TTC38: variants seen among roughly 807,000 people sequenced by gnomAD.
TTC38 encodes tetratricopeptide repeat domain 38.
In TTC38, 64 loss-of-function variants were observed where a neutral mutation model predicts 64.2. The observed-to-expected ratio is 1.00, with a 90% CI of 0.81 to 1.23. The LOEUF is 1.23. TTC38 is among the 50% of genes most tolerant of loss of function. The pLI is 0.00. For synonymous variants in TTC38, 254 were observed against 249.3 expected, an observed-to-expected ratio of 1.02 and a Z score of -0.18; for missense variants, 573 against 615.5, an observed-to-expected ratio of 0.93 and a Z score of 0.73.
chr22:46,286,661 CAA>C (rs75063671), intron 9 of TTC38, among the ~76,000 whole-genome samples: 67 of 112,940 alleles, frequency 5.9e-4, no homozygotes, highest in Admixed American at 5.6e-4. Flanking sequence ...GACCCTATCT[CAA>C]AAAAAAAAAA....
chr22:46,285,879 G>A (rs1218244766), intron 9 of TTC38, among the ~76,000 whole-genome samples: 2 of 151,794 alleles, frequency 1.3e-5, no homozygotes, highest in African/African-American at 4.8e-5. Context: ...GCTAGGCGTG[G>A]TGGTGGGCAC....
At position 46,270,269 on chromosome 22, in the gene TTC38, G is replaced by C. The variant is rs984025473; in HGVS notation, c.111+1678G>C. ...TGTCAAAATGCTTGCGTAGCTTATA[G>C]TCTCAGCTATTTGGGAGGCTGAGGC... On this transcript the variant is annotated intron_variant, in intron 2 of 13. Coordinates refer to ENST00000381031, the MANE Select transcript of TTC38 (RefSeq NM_017931.4). The surrounding 1 kb of genome is among the most constrained non-coding windows in gnomAD (Gnocchi z 4.7). Among the ~76,000 whole-genome samples, 1 of 152,102 alleles carries C rather than the reference G, an allele frequency of 6.6e-6. No individual in the cohort carries two copies. Among genetic ancestry groups the C allele is most frequent in the African/African-American group, 2.4e-5 (1 of 41,392 alleles).
intron 6 of TTC38, among the ~76,000 whole-genome samples, chr22:46,280,794 G>A (rs975275290): frequency 2.0e-5 from 3 of 152,232 alleles, no homozygotes; most frequent in Non-Finnish European, 4.4e-5. Context: ...GGGAGACTGA[G>A]GCAGTGGGGC....
At chr22:46,277,036 TATATATACATAC>T (rs1226732057) in intron 5 of TTC38, among the ~76,000 whole-genome samples, 25 of 78,276 alleles carry the variant, frequency 3.2e-4, no homozygotes, top group African/African-American at 1.5e-3. Context: ...AAACAATACA[TATATATACATAC>T]ACACACACAC....
chr22:46,268,669 T>C, intron 2 of TTC38, 78 bp downstream of exon 2: 1 of 746,754 alleles, frequency 1.3e-6, no homozygotes, highest in Non-Finnish European at 1.9e-6. Context: ...AAGCTGTTTT[T>C]TTGTTTTGTT....
Position 46,275,188 on chromosome 22 carries a change from A to G in TTC38, c.366-60A>G. ...ACTGGTGAGAAACAATGCCTCTTAC[A>G]CTCCCTGTGTGGGTGGACTATGTGT... is the stretch of plus-strand genomic sequence containing the variant. On this transcript the variant is annotated intron_variant, in intron 4 of 13. Transcript: ENST00000381031. The surrounding 1 kb of genome is among the most constrained non-coding windows in gnomAD (Gnocchi z 4.5). The G allele has an allele frequency of 6.7e-7, 1 of 1,501,246 alleles. No homozygotes were observed. Among genetic ancestry groups the G allele is most frequent in the Non-Finnish European group, 9.1e-7 (1 of 1,095,816 alleles). The allele number at this position is 1,501,246 out of a possible 1,614,324, so 93.0% of individuals were successfully genotyped here. A position where few individuals can be genotyped will look rare whatever the true frequency, so the allele number is the denominator to read the frequency against.
In TTC38 at chr22:46,268,034, C is replaced by G. The variant is rs1256406053; in HGVS notation, c.-6C>G. ...GAGCTCGCGGTGGACTCCGACCCGG[C>G]GCAACATGGCCGCAGCCTCGCCTCT... On this transcript the variant is annotated 5_prime_UTR_variant, in exon 1 of 14. Transcript: ENST00000381031. The G allele has an allele frequency of 1.3e-6, 2 of 1,538,902 alleles. No individual in the cohort carries two copies. The highest frequency in any genetic ancestry group is 3.9e-5 in the Admixed American group (2 of 51,772).
intron 2 of TTC38, 170 bp downstream of exon 2, chr22:46,268,761 T>C: frequency 3.3e-6 from 2 of 615,176 alleles, no homozygotes; most frequent in South Asian, 3.8e-5. Context: ...TTCGGCTCAC[T>C]GCAAGCTTTG....
At position 46,268,585 on chromosome 22, in the gene TTC38, G is replaced by A; in HGVS notation, c.105G>A (p.Leu35=). Residue 35 remains leucine, a synonymous_variant, in exon 2 of 14, where the codon CTG becomes CTA. Transcript: ENST00000381031. The part of the protein sequence containing the change: ...NEACKLFDAT[L]TQYVKWTNDK... ...CCTGCAAGCTGTTCGATGCCACGCTGACCCAGGTATGCCTGCCGAGAGAGG... is the reference window on the plus strand; with the variant it reads ...CCTGCAAGCTGTTCGATGCCACGCTAACCCAGGTATGCCTGCCGAGAGAGG... The A allele has an allele frequency of 5.0e-6, 8 of 1,613,926 alleles. No homozygotes were observed. The highest frequency in any genetic ancestry group is 6.8e-6 in the Non-Finnish European group (8 of 1,180,036).
At position 46,278,887 on chromosome 22, in the gene TTC38, A is replaced by C. The variant is rs150192244; in HGVS notation, c.615+226A>C. Among the ~76,000 whole-genome samples the C allele has an allele frequency of 2.6e-5, 4 of 152,334 alleles. No individual in the cohort carries two copies. The East Asian group carries it at 7.7e-4, about 29-fold the overall frequency. ...GTCCCCAGAGCCACGTTCCTTGGCT[A>C]ACACTGGATCCACGTCTACAGATGA... On this transcript the variant is annotated intron_variant, in intron 6 of 13. Transcript: ENST00000381031.
rs1322503378 is a variant in TTC38 at position 46,281,596 on chromosome 22, T to C, written c.616-3T>C. On this transcript the variant is annotated splice_polypyrimidine_tract_variant and splice_region_variant and intron_variant, in intron 6 of 13. Coordinates refer to ENST00000381031, the MANE Select transcript of TTC38 (RefSeq NM_017931.4). The surrounding 1 kb of genome is among the most constrained non-coding windows in gnomAD (Gnocchi z 5.2). ...GGAATCCTCTTCCCCGCACCCTGCG[T>C]AGGCTTTATCTATTAACCCGACAGA... is the stretch of plus-strand genomic sequence containing the variant. The C allele has an allele frequency of 2.5e-6, 4 of 1,613,706 alleles. No individual in the cohort carries two copies. The highest frequency in any genetic ancestry group is 3.4e-6 in the Non-Finnish European group (4 of 1,179,832).
chr22:46,283,953 CTT>C lies in TTC38; in HGVS notation c.736-8_736-7del, dbSNP rs111781624. The stretch of plus-strand genomic sequence containing the variant: ...GGCCTTCAGACTTTTCATAAATTCT[CTT>C]TTTTTTTTTTTCTCCAGGACTCTGA... On this transcript the variant is annotated intron_variant, in intron 7 of 13. Transcript: ENST00000381031. 284 of 1,309,452 alleles carry C rather than the reference CTT, an allele frequency of 2.2e-4. No individual in the cohort carries two copies. Among genetic ancestry groups the C allele is most frequent in the East Asian group, 4.5e-4 (16 of 35,786 alleles). 81.1% of individuals were successfully genotyped at this position (1,309,452 alleles called of 1,614,324 possible).
At chr22:46,277,010 A>G (rs996425510) in intron 5 of TTC38, among the ~76,000 whole-genome samples, 6 of 148,156 alleles carry the variant, frequency 4.0e-5, no homozygotes, top group African/African-American at 1.3e-4. Flanking sequence ...AGTGTTGAGG[A>G]TTAAATGACC....
At chr22:46,283,887 T>C in intron 7 of TTC38, 86 bp from the exon 8 acceptor site, 2 of 689,538 alleles carry the variant, frequency 2.9e-6, no homozygotes, top group South Asian at 1.7e-5. Flanking sequence ...AAGATGATGG[T>C]TTCTGCATTA....
intron 11 of TTC38, among the ~76,000 whole-genome samples, chr22:46,289,106 T>C (rs1189802864): frequency 7.2e-5 from 11 of 152,232 alleles, no homozygotes. Context: ...GCCTGTATTA[T>C]CAGCAATCCT....
intron 8 of TTC38, 107 bp from the exon 9 acceptor site, chr22:46,285,134 C>T (rs1166799274): frequency 1.4e-5 from 14 of 966,358 alleles, no homozygotes; most frequent in Admixed American, 7.1e-5. Flanking sequence ...AGGTGGAGGC[C>T]GGAGACCATG....
In TTC38 at chr22:46,279,686, T is replaced by G. The variant is rs371477433; in HGVS notation, c.615+1025T>G. On this transcript the variant is annotated intron_variant, in intron 6 of 13. Transcript: ENST00000381031. ...CTGCTCTGATTACAGAATCCGAGAC[T>G]TGAGGCTTGAGTGATGTGTTCTTTG... Among the ~76,000 whole-genome samples, 32 of 152,360 alleles carry G rather than the reference T, an allele frequency of 2.1e-4. No individual in the cohort carries two copies. The East Asian group carries it at 4.6e-3, about 22-fold the overall frequency.
Position 46,268,599 on chromosome 22 carries a change from T to A in TTC38, c.111+8T>A. On this transcript the variant is annotated splice_region_variant and intron_variant, in intron 2 of 13. Coordinates refer to ENST00000381031, the MANE Select transcript of TTC38 (RefSeq NM_017931.4). ...GATGCCACGCTGACCCAGGTATGCC[T>A]GCCGAGAGAGGCCGCGGCCCCTTCT... is the stretch of plus-strand genomic sequence containing the variant. 1 of 1,613,748 alleles carries A rather than the reference T, an allele frequency of 6.2e-7. No individual in the cohort carries two copies. The highest frequency in any genetic ancestry group is 8.5e-7 in the Non-Finnish European group (1 of 1,179,982).
Position 46,277,038 on chromosome 22 carries a change from TATATACATACAC to T in TTC38, c.540-1546_540-1535del, listed in dbSNP as rs1193680055. The stretch of plus-strand genomic sequence containing the variant: ...AAATGACCCCAGTAAACAATACATA[TATATACATACAC>T]ACACACACACACACACACACACACA... On this transcript the variant is annotated intron_variant, in intron 5 of 13. Coordinates refer to ENST00000381031, the MANE Select transcript of TTC38 (RefSeq NM_017931.4). Among the ~76,000 whole-genome samples the T allele has an allele frequency of 5.3e-3, 537 of 101,546 alleles. 7 individuals carry two copies. Among genetic ancestry groups the T allele is most frequent in the African/African-American group, 0.021 (487 of 23,298 alleles). 66.6% of individuals were successfully genotyped at this position (101,546 alleles called of 152,430 possible).
Sources: allele counts gnomAD v4.1 joint callset (sites outside exome capture counted in the v4.1 genomes callset), GRCh38; gene constraint gnomAD v4.1.1; non-coding constraint Gnocchi (gnomAD v3.1); transcripts MANE v1.5; gene names NCBI Gene and HGNC (gene_info 2026-07-23, HGNC 2026-07-21).